Variants in ADAM20 observed in about 807,000 individuals in gnomAD.
ADAM20 encodes the protein ADAM metallopeptidase domain 20, also known as disintegrin and metalloproteinase domain-containing protein 20.
For missense variants in ADAM20, 871 were observed against 883.2 expected, an observed-to-expected ratio of 0.99 and a Z score of 0.18; for synonymous variants, 305 against 310.2, an observed-to-expected ratio of 0.98 and a Z score of 0.18.
At chr14:70,526,298 T>C (rs1336927552) in intron 1 of ADAM20, among the ~76,000 whole-genome samples, 1 of 152,180 alleles carries the variant, frequency 6.6e-6, no homozygotes, top group Non-Finnish European at 1.5e-5. Context: ...ATGTGCAACC[T>C]CCTTAGCATT....
the ADAM20 span, among the ~76,000 whole-genome samples, chr14:70,558,159 G>A: frequency 6.6e-6 from 1 of 152,260 alleles, no homozygotes; most frequent in Middle Eastern, 3.4e-3. Flanking sequence ...ATCTGAAGGA[G>A]AAATGGTAGA....
the ADAM20 span, among the ~76,000 whole-genome samples, chr14:70,576,797 T>C: frequency 3.9e-5 from 6 of 152,272 alleles, no homozygotes; most frequent in African/African-American, 4.8e-5. Context: ...GTGTTAAGCA[T>C]GCCACTGAAA....
chr14:70,570,648 G>C, the ADAM20 span, among the ~76,000 whole-genome samples: 3 of 152,082 alleles, frequency 2.0e-5, no homozygotes, highest in African/African-American at 4.8e-5. Flanking sequence ...ACCAAAAAAA[G>C]CCCTGGGCAA....
chr14:70,574,828 T>C, the ADAM20 span, among the ~76,000 whole-genome samples: 1 of 151,760 alleles, frequency 6.6e-6, no homozygotes, highest in Non-Finnish European at 1.5e-5. Flanking sequence ...ACGCAGCATA[T>C]ATATATAATG....
the ADAM20 span, chr14:70,556,144 G>T: frequency 6.6e-6 from 1 of 152,340 alleles, no homozygotes; most frequent in Admixed American, 6.5e-5. Context: ...CTGTTCGGGA[G>T]ACGCTCCTGG....
chr14:70,569,591 AAAAC>A, the ADAM20 span, among the ~76,000 whole-genome samples: 630 of 152,256 alleles, frequency 4.1e-3, 2 homozygotes, highest in Non-Finnish European at 5.8e-3. Flanking sequence ...ATGCAAATGA[AAAAC>A]AAACAAACAA....
chr14:70,553,049 T>A, the ADAM20 span, among the ~76,000 whole-genome samples: 1 of 34,088 alleles, frequency 2.9e-5, no homozygotes, highest in Admixed American at 3.9e-4. Context: ...CTCAGTAAAC[T>A]ATCGCAAGAA....
At chr14:70,565,560 G>A in the ADAM20 span, among the ~76,000 whole-genome samples, 7 of 152,256 alleles carry the variant, frequency 4.6e-5, no homozygotes, top group Admixed American at 3.9e-4. Context: ...AAGACTACTG[G>A]CAGATTCCTC....
At chr14:70,557,089 T>C in the ADAM20 span, 1 of 152,216 alleles carries the variant, frequency 6.6e-6, no homozygotes, top group African/African-American at 2.4e-5. Context: ...ATGCCCTTCG[T>C]CAAATAATTT....
Position 70,523,268 on chromosome 14 carries a change from CAGG to C in ADAM20, c.1487_1489del (p.Ser496del). The C allele has an allele frequency of 2.5e-6, 4 of 1,614,002 alleles. No homozygotes were observed. Among genetic ancestry groups the C allele is most frequent in the Non-Finnish European group, 3.4e-6 (4 of 1,179,946 alleles). On this transcript the variant is annotated inframe_deletion, in exon 2 of 2. Transcript: ENST00000256389. ...TTCATAGCAGAAGGCATTCACATTA[CAGG>C]AGATCCCGTCCTGCACATACACATC...
chr14:70,569,382 C>G, the ADAM20 span, among the ~76,000 whole-genome samples: 4 of 152,140 alleles, frequency 2.6e-5, no homozygotes, highest in Non-Finnish European at 5.9e-5. Context: ...TACAAAACAA[C>G]TAGCTAAGAA....
the ADAM20 span, among the ~76,000 whole-genome samples, chr14:70,545,928 A>G: frequency 6.6e-6 from 1 of 152,366 alleles, no homozygotes; most frequent in South Asian, 2.1e-4. Context: ...TTGCCTCAGC[A>G]TATGGATCAT....
Position 70,524,559 on chromosome 14 carries a change from A to C in ADAM20, c.199T>G (p.Phe67Val). ...TGGACAATGTATCTCTGTCCCCCAAACCGCAGGCTATAGGAGAGCCATCCA... is the reference window on the plus strand; with the variant it reads ...TGGACAATGTATCTCTGTCCCCCAACCCGCAGGCTATAGGAGAGCCATCCA... ...APGWLSYSLR[F>V]GGQRYIVHMR... The change falls in exon 2 of 2, where the codon TTT becomes GTT. Residue 67 changes from phenylalanine to valine, a missense_variant. Coordinates refer to ENST00000256389, the MANE Select transcript of ADAM20 (RefSeq NM_003814.5). The C allele has an allele frequency of 6.2e-7, 1 of 1,613,878 alleles. No homozygotes were observed. Among genetic ancestry groups the C allele is most frequent in the Non-Finnish European group, 8.5e-7 (1 of 1,179,912 alleles).
At chr14:70,528,983 G>A (rs1883651226) in intron 1 of ADAM20, among the ~76,000 whole-genome samples, 1 of 152,148 alleles carries the variant, frequency 6.6e-6, no homozygotes. Flanking sequence ...TTATCAGGAA[G>A]ATATAACAAT....
chr14:70,561,519 T>C, the ADAM20 span, among the ~76,000 whole-genome samples: 2 of 152,360 alleles, frequency 1.3e-5, no homozygotes, highest in Admixed American at 6.5e-5. Context: ...TGACTGTTAA[T>C]AGCCAAGACA....
At chr14:70,539,502 C>T (rs1343195600), upstream of ADAM20, among the ~76,000 whole-genome samples, 1 of 152,212 alleles carries the variant, frequency 6.6e-6, no homozygotes, top group Non-Finnish European at 1.5e-5. Context: ...TGCCACGGCT[C>T]TTCTAGGCCT....
At chr14:70,531,197 A>G (rs1200166032) in intron 1 of ADAM20, among the ~76,000 whole-genome samples, 2 of 152,198 alleles carry the variant, frequency 1.3e-5, no homozygotes, top group East Asian at 3.8e-4. Flanking sequence ...ATACAAGGAT[A>G]GTTTAACATT....
At chr14:70,562,910 AAT>A in the ADAM20 span, among the ~76,000 whole-genome samples, 26 of 152,192 alleles carry the variant, frequency 1.7e-4, no homozygotes, top group African/African-American at 4.8e-5. Context: ...TAAATGGAGA[AAT>A]ATATGTTTCT....
chr14:70,526,682 A>G (rs187144848), intron 1 of ADAM20, among the ~76,000 whole-genome samples: 62 of 152,340 alleles, frequency 4.1e-4, no homozygotes, highest in African/African-American at 1.5e-3. Context: ...TCCAAAGACA[A>G]GTCTTAAAGG....
Sources: gnomAD v4.1 joint callset for allele counts (sites outside exome capture counted in the v4.1 genomes callset) on GRCh38, gnomAD v4.1.1 for gene constraint, MANE v1.5 for transcripts, NCBI Gene and HGNC (gene_info 2026-07-23, HGNC 2026-07-21) for gene names.